The following DCLK1 variants were observed in gnomAD, a reference collection of about 807,000 sequenced individuals.
DCLK1 encodes serine/threonine-protein kinase DCLK1.
In DCLK1, 16 loss-of-function variants were observed where a neutral mutation model predicts 86.2. That is an observed-to-expected ratio of 0.19 (90% CI 0.13 to 0.28). The LOEUF (loss-of-function observed/expected upper bound fraction) is 0.28. Among genes scored for constraint, DCLK1 ranks in the 10% least tolerant of loss-of-function variants. The pLI, the probability that DCLK1 is intolerant of heterozygous loss-of-function variation, is 1.00. For missense variants in DCLK1, 590 were observed against 940.2 expected (o/e 0.63, Z 4.87); for synonymous variants, 369 against 370.5 (o/e 1.00, Z 0.05).
intron 11 of DCLK1, among the ~76,000 whole-genome samples, chr13:35,816,787 A>T (rs2087277315): frequency 6.6e-6 from 1 of 152,138 alleles, no homozygotes; most frequent in Admixed American, 6.5e-5. Flanking sequence ...CCCTGAGATA[A>T]CTTATCTCCA....
chr13:36,068,357 T>C (rs1883842402), intron 3 of DCLK1, among the ~76,000 whole-genome samples: 1 of 152,168 alleles, frequency 6.6e-6, no homozygotes, highest in Non-Finnish European at 1.5e-5. Context: ...AAATCAATCC[T>C]AAACTCTTTA....
At chr13:36,039,169 T>A (rs899795062) in intron 3 of DCLK1, among the ~76,000 whole-genome samples, 2 of 152,034 alleles carry the variant, frequency 1.3e-5, no homozygotes, top group African/African-American at 2.4e-5. Context: ...AAGGAATGAG[T>A]AGGAAATGGA....
chr13:36,070,920 C>G (rs959550088), intron 3 of DCLK1, among the ~76,000 whole-genome samples: 3 of 152,306 alleles, frequency 2.0e-5, no homozygotes, highest in Non-Finnish European at 4.4e-5. Context: ...ACTGGGATTA[C>G]AGGCGTGAGC....
chr13:36,023,532 G>A (rs78020130), intron 3 of DCLK1, among the ~76,000 whole-genome samples: 140 of 152,288 alleles, frequency 9.2e-4, no homozygotes, highest in African/African-American at 3.2e-3. Flanking sequence ...ATGGAGGGCA[G>A]TCTGCTTATT....
intron 3 of DCLK1, among the ~76,000 whole-genome samples, chr13:36,031,328 C>A (rs55960862): frequency 0.81 from 114,073 of 140,294 alleles, 43,928 homozygotes; most frequent in African/African-American, 0.89. Context: ...CAACCACACA[C>A]ACACAAAAAA....
At chr13:35,867,953 G>GAAAGAAAGAAAGAAAGAAAGAAAGAAA (rs1319556990) in intron 5 of DCLK1, among the ~76,000 whole-genome samples, 95 of 145,696 alleles carry the variant, frequency 6.5e-4, no homozygotes, top group African/African-American at 2.2e-3. Context: ...AAGAAAGAAA[G>GAAAGAAAGAAAGAAAGAAAGAAAGAAA]AAAGAAAGAA....
At chr13:35,800,297 T>G (rs1302200624) in intron 15 of DCLK1, among the ~76,000 whole-genome samples, 1 of 152,228 alleles carries the variant, frequency 6.6e-6, no homozygotes, top group Non-Finnish European at 1.5e-5. Flanking sequence ...TTCCCATCCT[T>G]ATAGCAAGTG....
intron 3 of DCLK1, among the ~76,000 whole-genome samples, chr13:36,014,053 G>T (rs561608464): frequency 6.6e-6 from 1 of 152,154 alleles, no homozygotes; most frequent in Non-Finnish European, 1.5e-5. Flanking sequence ...GCAATGCCTC[G>T]CCCTGCTTCG....
chr13:35,943,998 G>A (rs1007885236), intron 4 of DCLK1, among the ~76,000 whole-genome samples: 1 of 152,056 alleles, frequency 6.6e-6, no homozygotes, highest in African/African-American at 2.4e-5. Context: ...GACTGATGAC[G>A]ATATCGCTAA....
At chr13:36,097,352 G>A (rs903292753) in intron 3 of DCLK1, among the ~76,000 whole-genome samples, 11 of 152,032 alleles carry the variant, frequency 7.2e-5, no homozygotes, top group Non-Finnish European at 5.9e-5. Flanking sequence ...CTTAAAATGG[G>A]TGCTTTTTGT....
At chr13:35,833,212 G>C (rs376700642) in intron 8 of DCLK1, among the ~76,000 whole-genome samples, 2 of 152,146 alleles carry the variant, frequency 1.3e-5, no homozygotes, top group South Asian at 2.1e-4. Context: ...CAGCAGTGCA[G>C]GTGGGGAAGA....
chr13:35,958,824 C>A (rs750255902), intron 3 of DCLK1, among the ~76,000 whole-genome samples: 1 of 152,156 alleles, frequency 6.6e-6, no homozygotes, highest in Non-Finnish European at 1.5e-5. Context: ...ACATGGCTTC[C>A]AAAATATTGG....
rs1195066455 is a variant in DCLK1, at chr13:35,825,459, C to G, written c.1407+2176G>C. On this transcript the variant is annotated intron_variant, in intron 10 of 16. Coordinates refer to ENST00000360631, the MANE Select transcript of DCLK1 (RefSeq NM_001330071.2). ...AAAGGCAGTTAAGTGCAACGAGGAC[C>G]TTACCATAGTCTCCTAACCAAGCAC... is the stretch of plus-strand genomic sequence containing the variant. Among the ~76,000 whole-genome samples, 4 of 152,300 alleles carry G rather than the reference C, an allele frequency of 2.6e-5. No homozygotes were observed. In the East Asian group the frequency reaches 7.7e-4, roughly 30 times the overall value.
intron 3 of DCLK1, among the ~76,000 whole-genome samples, chr13:36,093,080 C>T (rs1196540868): frequency 6.6e-6 from 1 of 152,140 alleles, no homozygotes; most frequent in East Asian, 1.9e-4. Flanking sequence ...TATTAACAGA[C>T]TGCAGCTTGA....
In DCLK1 at chr13:35,995,452, C is replaced by G. The variant is rs374859402; in HGVS notation, c.724-47995G>C. 4.3e-3 allele frequency among the ~76,000 whole-genome samples: 652 copies of G among 152,274 alleles called. 2 individuals carry two copies. The highest frequency in any genetic ancestry group is 7.0e-3 in the Non-Finnish European group (477 of 68,010). ...GATCAGAGGACAAAGACAAGGAAAC[C>G]AATCTGGTAGTTTTATTAGCAAAAC... On this transcript the variant is annotated intron_variant, in intron 3 of 16. Coordinates refer to ENST00000360631, the MANE Select transcript of DCLK1 (RefSeq NM_001330071.2).
intron 3 of DCLK1, among the ~76,000 whole-genome samples, chr13:36,045,124 A>G (rs1263944171): frequency 6.6e-6 from 1 of 150,868 alleles, no homozygotes; most frequent in Admixed American, 6.6e-5. Flanking sequence ...CAAACATGCA[A>G]TAAAGTTGAA....
intron 3 of DCLK1, among the ~76,000 whole-genome samples, chr13:36,030,508 C>T (rs1882228449): frequency 1.4e-5 from 2 of 141,230 alleles, no homozygotes; most frequent in Non-Finnish European, 1.5e-5. Flanking sequence ...AATTTCATCA[C>T]GTTGGCCAGG....
At chr13:35,958,138 CCACCACCACCACCACTAT>C (rs1566620645) in intron 3 of DCLK1, among the ~76,000 whole-genome samples, 6 of 138,886 alleles carry the variant, frequency 4.3e-5, no homozygotes, top group African/African-American at 1.1e-4. Flanking sequence ...ACTACTATAA[CCACCACCACCACCACTAT>C]AACCATCACC....
intron 14 of DCLK1, among the ~76,000 whole-genome samples, chr13:35,806,677 G>A (rs751951290): frequency 1.3e-5 from 2 of 152,192 alleles, no homozygotes; most frequent in East Asian, 1.9e-4. Context: ...ATCAGAACTC[G>A]TGAAAGTATC....
Sources: gnomAD v4.1 joint callset for allele counts (sites outside exome capture counted in the v4.1 genomes callset) on GRCh38, gnomAD v4.1.1 for gene constraint, MANE v1.5 for transcripts, NCBI Gene and HGNC (gene_info 2026-07-23, HGNC 2026-07-21) for gene names.